Variants in PDE7B observed in about 807,000 individuals in gnomAD.
PDE7B encodes the protein phosphodiesterase 7B, also known as 3',5'-cyclic-AMP phosphodiesterase 7B.
In PDE7B, 29 loss-of-function variants were observed where a neutral mutation model predicts 56.2. That is an observed-to-expected ratio of 0.52 (90% CI 0.38 to 0.70). PDE7B has a LOEUF of 0.70. PDE7B is among the 30% of genes least tolerant of loss of function. The probability of loss-of-function intolerance (pLI) is 0.00; values close to 1 mark genes in which losing one functional copy is unlikely to be tolerated. For missense variants in PDE7B, 490 were observed against 565.0 expected (o/e 0.87, Z 1.35); for synonymous variants, 197 against 196.9 (o/e 1.00, Z 0.00).
intron 1 of PDE7B, among the ~76,000 whole-genome samples, chr6:135,894,779 A>G (rs554173203): frequency 6.6e-6 from 1 of 152,316 alleles, no homozygotes; most frequent in Non-Finnish European, 1.5e-5. Flanking sequence ...ATCTGGACAC[A>G]TCAGTACGAG....
chr6:135,940,745 T>C (rs1244590789), intron 1 of PDE7B, among the ~76,000 whole-genome samples: 1 of 152,220 alleles, frequency 6.6e-6, no homozygotes, highest in African/African-American at 2.4e-5. Context: ...CCATTGCAGC[T>C]GCACATCATG....
intron 2 of PDE7B, among the ~76,000 whole-genome samples, chr6:136,078,113 T>C (rs950163887): frequency 6.6e-6 from 1 of 152,196 alleles, no homozygotes; most frequent in Non-Finnish European, 1.5e-5. Flanking sequence ...GCTGACATCT[T>C]AGCACTGACA....
intron 2 of PDE7B, among the ~76,000 whole-genome samples, chr6:136,078,157 A>G (rs1478038069): frequency 6.6e-6 from 1 of 152,190 alleles, no homozygotes; most frequent in African/African-American, 2.4e-5. Flanking sequence ...CTGGGCAAAG[A>G]GTTGTGAGTC....
intron 3 of PDE7B, among the ~76,000 whole-genome samples, chr6:136,139,442 G>A (rs1301572440): frequency 6.6e-6 from 1 of 152,204 alleles, no homozygotes; most frequent in Non-Finnish European, 1.5e-5. Flanking sequence ...GTGTGCATGT[G>A]TCTTTAGAGC....
At chr6:135,954,071 T>C (rs1360523816) in intron 2 of PDE7B, among the ~76,000 whole-genome samples, 1 of 152,164 alleles carries the variant, frequency 6.6e-6, no homozygotes, top group Non-Finnish European at 1.5e-5. Flanking sequence ...GGTGGAAGCA[T>C]CATTCCCCAT....
intron 2 of PDE7B, among the ~76,000 whole-genome samples, chr6:135,982,974 G>C (rs551598916): frequency 6.7e-4 from 102 of 152,132 alleles, no homozygotes; most frequent in African/African-American, 2.4e-3. Flanking sequence ...TCCTCATCTA[G>C]TTTTCATGGA....
At chr6:136,147,275 C>A in intron 3 of PDE7B, 76 bp from the exon 4 acceptor site, 2 of 871,086 alleles carry the variant, frequency 2.3e-6, no homozygotes, top group Non-Finnish European at 3.5e-6. Flanking sequence ...TCTTTTAATG[C>A]ATTTATTTTT....
At chr6:136,035,897 C>G (rs77786302) in intron 2 of PDE7B, among the ~76,000 whole-genome samples, 6,148 of 152,204 alleles carry the variant, frequency 0.04, 166 homozygotes, top group East Asian at 0.14. Context: ...TATGATATCA[C>G]ATATTTGTTT....
rs1774362597 is a variant in PDE7B at position 135,934,760 on chromosome 6, T to TTA, written c.22-12704_22-12703insTA. 4.0e-4 allele frequency among the ~76,000 whole-genome samples: 44 copies of TTA among 110,778 alleles called. 1 individual carries two copies. The South Asian group carries it at 7.2e-3, about 18-fold the overall frequency. 72.7% of individuals were successfully genotyped at this position (110,778 alleles called of 152,430 possible). A position where few individuals can be genotyped will look rare whatever the true frequency, so the allele number is the denominator to read the frequency against. On this transcript the variant is annotated intron_variant, in intron 1 of 12. Transcript: ENST00000308191. ...AAAAAATATATATATATATATTTTTTAAATATATATATATATTTATTATAT... is the reference window on the plus strand; with the variant it reads ...AAAAAATATATATATATATATTTTTTTAAAATATATATATATATTTATTATAT...
At chr6:136,049,959 G>T (rs1471669402) in intron 2 of PDE7B, among the ~76,000 whole-genome samples, 5 of 151,650 alleles carry the variant, frequency 3.3e-5, no homozygotes, top group African/African-American at 1.2e-4. Flanking sequence ...TTTATGGTGA[G>T]AAAGCTGAGA....
chr6:135,959,476 T>C (rs1774859806), intron 2 of PDE7B, among the ~76,000 whole-genome samples: 1 of 152,178 alleles, frequency 6.6e-6, no homozygotes, highest in Non-Finnish European at 1.5e-5. Context: ...AACTCAAAAA[T>C]ACATTTTCCT....
chr6:136,140,705 C>T (rs1312144882), intron 3 of PDE7B, among the ~76,000 whole-genome samples: 1 of 152,038 alleles, frequency 6.6e-6, no homozygotes, highest in Non-Finnish European at 1.5e-5. Context: ...AGTTGGATTC[C>T]TAGGTATTTT....
intron 1 of PDE7B, among the ~76,000 whole-genome samples, chr6:135,922,471 G>C (rs1774102043): frequency 6.6e-6 from 1 of 152,168 alleles, no homozygotes; most frequent in Non-Finnish European, 1.5e-5. Context: ...ACAAAAACCA[G>C]TCTGGGTTTA....
chr6:136,170,389 C>T (rs1202874419), intron 8 of PDE7B, among the ~76,000 whole-genome samples: 1 of 152,110 alleles, frequency 6.6e-6, no homozygotes, highest in Non-Finnish European at 1.5e-5. Flanking sequence ...ATCACCACTA[C>T]CCAACTCTAG....
At chr6:136,103,754 G>A (rs1430989654) in intron 2 of PDE7B, among the ~76,000 whole-genome samples, 2 of 152,148 alleles carry the variant, frequency 1.3e-5, no homozygotes, top group South Asian at 2.1e-4. Context: ...TACCAAGAAC[G>A]TCACTATCTT....
At chr6:135,880,078 C>A (rs903652291) in intron 1 of PDE7B, among the ~76,000 whole-genome samples, 5 of 152,102 alleles carry the variant, frequency 3.3e-5, no homozygotes, top group African/African-American at 1.2e-4. Flanking sequence ...CTGGAAAAAT[C>A]ACTCTTGTTT....
At chr6:136,111,408 AG>A (rs1213578150) in intron 3 of PDE7B, among the ~76,000 whole-genome samples, 1 of 152,216 alleles carries the variant, frequency 6.6e-6, no homozygotes, top group African/African-American at 2.4e-5. Flanking sequence ...AAGGCCTCTA[AG>A]ATTTTCCTTT....
chr6:136,055,148 T>C (rs1460316112), intron 2 of PDE7B, among the ~76,000 whole-genome samples: 1 of 152,230 alleles, frequency 6.6e-6, no homozygotes, highest in Non-Finnish European at 1.5e-5. Context: ...CAATCTAAAA[T>C]CATTTCTGCT....
intron 2 of PDE7B, among the ~76,000 whole-genome samples, chr6:136,103,792 C>T (rs763194692): frequency 6.6e-6 from 1 of 152,154 alleles, no homozygotes; most frequent in South Asian, 2.1e-4. Context: ...GCCATGGAAG[C>T]CCAGTAGCTA....
Sources: allele counts gnomAD v4.1 joint callset (sites outside exome capture counted in the v4.1 genomes callset), GRCh38; gene constraint gnomAD v4.1.1; transcripts MANE v1.5; gene names NCBI Gene and HGNC (gene_info 2026-07-23, HGNC 2026-07-21).